The following DOCK5 variants were observed in gnomAD, a reference collection of about 807,000 sequenced individuals.
The protein encoded by DOCK5 is dedicator of cytokinesis 5, also known as dedicator of cytokinesis protein 5.
In DOCK5, 142 loss-of-function variants were observed where a neutral mutation model predicts 251.8. The observed-to-expected ratio is 0.56, with a 90% CI of 0.49 to 0.65. The LOEUF (loss-of-function observed/expected upper bound fraction) is 0.65. Among genes scored for constraint, DOCK5 ranks in the 30% least tolerant of loss-of-function variants. The pLI is 0.00. For missense variants in DOCK5, 2,111 were observed against 2,312.3 expected (o/e 0.91, Z 1.79); for synonymous variants, 842 against 835.5 (o/e 1.01, Z -0.13).
intron 1 of DOCK5, among the ~76,000 whole-genome samples, chr8:25,240,961 A>G (rs1245536904): frequency 4.6e-5 from 7 of 152,124 alleles, no homozygotes; most frequent in African/African-American, 1.4e-4. Flanking sequence ...TTGCAGTCAC[A>G]TCAGTTCAAT....
intron 46 of DOCK5, 50 bp from the exon 47 acceptor site, chr8:25,400,879 G>A (rs371310384): frequency 5.0e-6 from 8 of 1,604,306 alleles, no homozygotes; most frequent in Middle Eastern, 3.3e-4. Context: ...AAATCAAAAC[G>A]ATCCCTCTTC....
chr8:25,354,130 A>T (rs931550557), intron 27 of DOCK5, among the ~76,000 whole-genome samples: 43 of 151,786 alleles, frequency 2.8e-4, no homozygotes, highest in Middle Eastern at 6.8e-3. Context: ...GCATGTTTTA[A>T]CAGCATTGCT....
intron 1 of DOCK5, among the ~76,000 whole-genome samples, chr8:25,217,214 G>A (rs190225962): frequency 6.7e-6 from 1 of 149,220 alleles, no homozygotes; most frequent in East Asian, 2.0e-4. Flanking sequence ...ACATACACAT[G>A]TATACATACA....
intron 23 of DOCK5, among the ~76,000 whole-genome samples, chr8:25,341,386 C>A (rs925391538): frequency 1.7e-4 from 26 of 152,156 alleles, no homozygotes; most frequent in African/African-American, 5.8e-4. Flanking sequence ...AATATATAAT[C>A]CCTGAAGGCT....
chr8:25,186,921 C>G (rs929232147), intron 1 of DOCK5, among the ~76,000 whole-genome samples: 1 of 151,804 alleles, frequency 6.6e-6, no homozygotes, highest in African/African-American at 2.4e-5. Flanking sequence ...ATATTTGGGC[C>G]AGGTGCGATG....
chr8:25,260,207 A>T (rs1024047497), intron 2 of DOCK5, among the ~76,000 whole-genome samples: 10 of 151,992 alleles, frequency 6.6e-5, no homozygotes, highest in African/African-American at 2.4e-4. Context: ...GCCCGTGGAA[A>T]CCTGACGAGC....
chr8:25,385,986 G>A (rs1586384893), intron 40 of DOCK5, among the ~76,000 whole-genome samples: 1 of 152,340 alleles, frequency 6.6e-6, no homozygotes, highest in South Asian at 2.1e-4. Context: ...AGGTCCAAAA[G>A]CTATGAGGCT....
intron 6 of DOCK5, among the ~76,000 whole-genome samples, chr8:25,294,116 G>A (rs1197083290): frequency 6.6e-6 from 1 of 152,142 alleles, no homozygotes; most frequent in Non-Finnish European, 1.5e-5. Flanking sequence ...TGGAGGTCCC[G>A]TGATCTCTGG....
In DOCK5 at chr8:25,364,721, C is replaced by A; in HGVS notation, c.3123+17C>A. On this transcript the variant is annotated intron_variant, in intron 30 of 51. Transcript: ENST00000276440. ...GAACTTCAGGTAGGCATGTGACTCACCTACCTGCTTCTAGAATTCTTGGCC... is the reference window on the plus strand; with the variant it reads ...GAACTTCAGGTAGGCATGTGACTCAACTACCTGCTTCTAGAATTCTTGGCC... 6.4e-7 allele frequency: 1 copy of A among 1,558,898 alleles called. No homozygotes were observed. The highest frequency in any genetic ancestry group is 8.7e-7 in the Non-Finnish European group (1 of 1,143,454).
At chr8:25,320,832 A>G (rs1366045314) in intron 15 of DOCK5, 148 bp from the exon 16 acceptor site, 1 of 628,334 alleles carries the variant, frequency 1.6e-6, no homozygotes, top group East Asian at 2.8e-5. Flanking sequence ...AAAATAGCTC[A>G]GTCTCCTTTG....
rs775420043 is a variant in DOCK5, at chr8:25,325,448, G to A, written c.1804G>A (p.Ala602Thr). 2.5e-6 allele frequency: 4 copies of A among 1,613,944 alleles called. No individual in the cohort carries two copies. The highest frequency in any genetic ancestry group is 1.1e-5 in the South Asian group (1 of 91,082). Residue 602 changes from alanine to threonine, a missense_variant, in exon 18 of 52, where the codon GCA becomes ACA. Transcript: ENST00000276440. ...KMEMEEKELQASKNLVTFTPS... is the reference protein window; with the variant it reads ...KMEMEEKELQTSKNLVTFTPS... Reference sequence around the variant, plus strand: ...GGAGATGGAAGAAAAAGAGCTTCAAGCATCCAAAAACCTGGTCACCTTCAC... The same window carrying A: ...GGAGATGGAAGAAAAAGAGCTTCAAACATCCAAAAACCTGGTCACCTTCAC...
At chr8:25,223,958 C>A (rs1802455162) in intron 1 of DOCK5, among the ~76,000 whole-genome samples, 1 of 152,170 alleles carries the variant, frequency 6.6e-6, no homozygotes, top group African/African-American at 2.4e-5. Context: ...CCTCCAATTT[C>A]TCTGTTTTAT....
chr8:25,189,046 CTTT>C (rs869176300), intron 1 of DOCK5, among the ~76,000 whole-genome samples: 11 of 33,448 alleles, frequency 3.3e-4, no homozygotes, highest in South Asian at 1.0e-3. Flanking sequence ...TTCTTTCTTT[CTTT>C]TTTTTTTTTT....
At chr8:25,206,906 A>G (rs1324278439) in intron 1 of DOCK5, among the ~76,000 whole-genome samples, 1 of 152,204 alleles carries the variant, frequency 6.6e-6, no homozygotes, top group Non-Finnish European at 1.5e-5. Flanking sequence ...ACCACAAGGA[A>G]ACTGAAAAAG....
At position 25,342,495 on chromosome 8, in the gene DOCK5, T is replaced by G. The variant is rs553397560; in HGVS notation, c.2605T>G (p.Phe869Val). ...CMTKIVESTL[F>V]RQSECREVLL... is the part of the protein sequence containing the mutation. ...GACCAAGATAGTAGAGAGCACTCTTTTTCGACAGTCAGGTAAGTCTCCTTC... is the reference window on the plus strand; with the variant it reads ...GACCAAGATAGTAGAGAGCACTCTTGTTCGACAGTCAGGTAAGTCTCCTTC... The change falls in exon 25 of 52, where the codon TTT becomes GTT. Residue 869 changes from phenylalanine to valine, a missense_variant. Physicochemically the swap from Phe to Val is conservative, Grantham distance 50. Transcript: ENST00000276440. 2 of 1,586,050 alleles carry G rather than the reference T, an allele frequency of 1.3e-6. No individual in the cohort carries two copies. Among genetic ancestry groups the G allele is most frequent in the African/African-American group, 2.7e-5 (2 of 74,540 alleles).
intron 8 of DOCK5, among the ~76,000 whole-genome samples, chr8:25,299,642 T>C (rs1362078581): frequency 6.6e-6 from 1 of 152,090 alleles, no homozygotes; most frequent in African/African-American, 2.4e-5. Context: ...GGGGAGAGAA[T>C]ATGTTATGGG....
At chr8:25,364,568 G>A (rs912182839) in intron 29 of DOCK5, 58 bp from the exon 30 acceptor site, 23 of 1,297,846 alleles carry the variant, frequency 1.8e-5, no homozygotes, top group Middle Eastern at 4.3e-4. Flanking sequence ...AATATAGGTG[G>A]GAAAAGGTTT....
At chr8:25,323,136 GC>G (rs1048994498) in intron 16 of DOCK5, among the ~76,000 whole-genome samples, 36 of 152,136 alleles carry the variant, frequency 2.4e-4, no homozygotes, top group African/African-American at 7.7e-4. Context: ...TCAGAGACTG[GC>G]CCCGAAGACC....
chr8:25,315,794 G>GC (rs1805231884), intron 13 of DOCK5, among the ~76,000 whole-genome samples: 1 of 152,202 alleles, frequency 6.6e-6, no homozygotes, highest in Non-Finnish European at 1.5e-5. Context: ...TGTGCTGTGT[G>GC]AATAAGCCCC....
Sources: gnomAD v4.1 joint callset for allele counts (sites outside exome capture counted in the v4.1 genomes callset) on GRCh38, gnomAD v4.1.1 for gene constraint, MANE v1.5 for transcripts, NCBI Gene and HGNC (gene_info 2026-07-23, HGNC 2026-07-21) for gene names.